Variants in CHLSN observed in about 807,000 individuals in gnomAD.
The protein encoded by CHLSN is protein cholesin.
the CHLSN span, among the ~76,000 whole-genome samples, chr7:1,061,115 T>C: frequency 2.0e-5 from 3 of 152,164 alleles, no homozygotes; most frequent in Non-Finnish European, 4.4e-5. Context: ...AATTACACCA[T>C]CCAACTATCC....
chr7:1,104,719 T>C, the CHLSN span, among the ~76,000 whole-genome samples: 1 of 152,162 alleles, frequency 6.6e-6, no homozygotes, highest in African/African-American at 2.4e-5. Context: ...AACAACTGTT[T>C]TCCCAGCTGT....
At chr7:996,465 G>A in the CHLSN span, among the ~76,000 whole-genome samples, 5 of 152,184 alleles carry the variant, frequency 3.3e-5, no homozygotes, top group Admixed American at 2.0e-4. Flanking sequence ...GCACTGAGAC[G>A]GCAGCACAAA....
the CHLSN span, among the ~76,000 whole-genome samples, chr7:1,133,244 G>A: frequency 0.014 from 2,124 of 152,186 alleles, 27 homozygotes; most frequent in Non-Finnish European, 0.02. Context: ...AAATTATACT[G>A]ACAGAAAGGA....
chr7:1,108,703 G>A, the CHLSN span, among the ~76,000 whole-genome samples: 2 of 152,128 alleles, frequency 1.3e-5, no homozygotes, highest in Non-Finnish European at 2.9e-5. Context: ...TCTGCCGCCT[G>A]AGTGTCTGAG....
the CHLSN span, chr7:1,093,055 C>T: frequency 0.025 from 17,658 of 710,968 alleles, 966 homozygotes; most frequent in East Asian, 0.2. Context: ...CCTTGCACTC[C>T]TCACACAGAA....
chr7:1,089,959 C>T, the CHLSN span, among the ~76,000 whole-genome samples: 2 of 151,632 alleles, frequency 1.3e-5, no homozygotes, highest in African/African-American at 4.8e-5. Flanking sequence ...TGGTGCACAC[C>T]TATAATCCCA....
the CHLSN span, chr7:985,069 T>A: frequency 1.9e-6 from 3 of 1,612,364 alleles, no homozygotes; most frequent in African/African-American, 4.0e-5. Context: ...GGAGCTGAAA[T>A]GCCTCTCTGG....
At chr7:1,026,589 C>T in the CHLSN span, 5 of 152,248 alleles carry the variant, frequency 3.3e-5, no homozygotes, top group Non-Finnish European at 5.9e-5. Flanking sequence ...GCTTCTCAAC[C>T]ACTCGCAGGA....
chr7:984,900 G>A, the CHLSN span: 1 of 1,532,884 alleles, frequency 6.5e-7, no homozygotes, highest in Non-Finnish European at 8.7e-7. Context: ...GCCTGGCGGG[G>A]CTGGCTGGGG....
At chr7:1,095,349 C>T in the CHLSN span, among the ~76,000 whole-genome samples, 4 of 151,258 alleles carry the variant, frequency 2.6e-5, no homozygotes, top group Admixed American at 2.0e-4. Flanking sequence ...CCCAAACCCC[C>T]CTCCCCGACA....
chr7:989,130 C>T, the CHLSN span: 1 of 393,388 alleles, frequency 2.5e-6, no homozygotes, highest in East Asian at 3.8e-5. Flanking sequence ...CCTAGCTCCC[C>T]CCAGGGCCCC....
the CHLSN span, among the ~76,000 whole-genome samples, chr7:1,008,908 A>ACGC: frequency 1.2e-4 from 17 of 146,788 alleles, no homozygotes; most frequent in Admixed American, 2.7e-4. Flanking sequence ...ACACGTACAC[A>ACGC]ACACACGTAT....
At chr7:1,052,373 G>A in the CHLSN span, among the ~76,000 whole-genome samples, 2 of 152,220 alleles carry the variant, frequency 1.3e-5, no homozygotes, top group Non-Finnish European at 2.9e-5. The surrounding 1 kb of genome is among the most constrained non-coding windows in gnomAD (Gnocchi z 4.2). Context: ...TGCTGGCACC[G>A]ACGTGGGCCT....
chr7:1,019,222 GGA>G, the CHLSN span, among the ~76,000 whole-genome samples: 9 of 133,586 alleles, frequency 6.7e-5, no homozygotes, highest in African/African-American at 1.9e-4. Context: ...CGGGGGGGGG[GGA>G]GTGAAAGGGA....
At chr7:1,016,807 A>G in the CHLSN span, among the ~76,000 whole-genome samples, 532 of 67,512 alleles carry the variant, frequency 7.9e-3, 54 homozygotes, top group Middle Eastern at 0.016. Flanking sequence ...ACACAGCAGC[A>G]CACACCAGCG....
chr7:1,000,652 C>T, the CHLSN span: 2 of 920,270 alleles, frequency 2.2e-6, no homozygotes, highest in Non-Finnish European at 3.4e-6. Flanking sequence ...GGAGAGGGAG[C>T]CCCACCAGGT....
the CHLSN span, among the ~76,000 whole-genome samples, chr7:1,023,288 G>C: frequency 6.6e-6 from 1 of 152,178 alleles, no homozygotes; most frequent in African/African-American, 2.4e-5. This position sits in a 1 kb window ranked among gnomAD's most constrained non-coding sequence, Gnocchi z 5.0. Flanking sequence ...CAGATGGCAC[G>C]GGGAGCGCCC....
the CHLSN span, chr7:1,026,594 G>A: frequency 6.6e-6 from 1 of 152,194 alleles, no homozygotes; most frequent in Admixed American, 6.5e-5. Flanking sequence ...TCAACCACTC[G>A]CAGGAAATCG....
chr7:1,121,246 C>G, the CHLSN span, among the ~76,000 whole-genome samples: 110 of 152,248 alleles, frequency 7.2e-4, 1 homozygote, highest in African/African-American at 2.5e-3. Flanking sequence ...CGGCAGACAA[C>G]CCGGCATGCA....
Sources: gnomAD v4.1 joint callset for allele counts (sites outside exome capture counted in the v4.1 genomes callset) on GRCh38, gnomAD v4.1.1 for gene constraint, Gnocchi (gnomAD v3.1) non-coding constraint, MANE v1.5 for transcripts, NCBI Gene and HGNC (gene_info 2026-07-23, HGNC 2026-07-21) for gene names.